EPHB1: variants seen among roughly 807,000 people sequenced by gnomAD.
EPHB1 encodes the protein EPH receptor B1, also known as ephrin type-B receptor 1.
Under a neutral mutation model 94.4 loss-of-function variants are expected in EPHB1, and 30 were observed. The observed-to-expected ratio is 0.32, with a 90% CI of 0.24 to 0.43. The LOEUF (loss-of-function observed/expected upper bound fraction) is 0.43, where lower values mean the gene tolerates loss of function less well. EPHB1 is among the 20% of genes least tolerant of loss of function. The pLI is 1.00. For synonymous variants in EPHB1, 522 were observed against 489.1 expected (o/e 1.07, Z -0.89); for missense variants, 1,055 against 1,308.3 (o/e 0.81, Z 2.99).
intron 1 of EPHB1, among the ~76,000 whole-genome samples, chr3:134,859,653 GC>G (rs1251211267): frequency 1.6e-4 from 25 of 152,180 alleles, no homozygotes; most frequent in Admixed American, 1.6e-3. Flanking sequence ...TCCTCATGGA[GC>G]CTGCCAGCTG....
intron 3 of EPHB1, among the ~76,000 whole-genome samples, chr3:135,104,357 C>T (rs1010205567): frequency 2.6e-5 from 4 of 152,204 alleles, no homozygotes; most frequent in Non-Finnish European, 4.4e-5. Context: ...AGAGTCTCCT[C>T]GGATACTTTT....
At chr3:135,212,291 G>C (rs1429194631) in intron 12 of EPHB1, among the ~76,000 whole-genome samples, 3 of 152,048 alleles carry the variant, frequency 2.0e-5, no homozygotes, top group Non-Finnish European at 2.9e-5. Context: ...TAACATCTGG[G>C]TGGTCCTGGG....
At chr3:134,800,998 T>G (rs1183132700) in intron 1 of EPHB1, among the ~76,000 whole-genome samples, 2 of 152,206 alleles carry the variant, frequency 1.3e-5, no homozygotes, top group Non-Finnish European at 2.9e-5. Flanking sequence ...TCCACCACTT[T>G]TGAAGGCTTT....
chr3:135,104,743 G>A (rs1272124024), intron 3 of EPHB1, among the ~76,000 whole-genome samples: 1 of 152,226 alleles, frequency 6.6e-6, no homozygotes, highest in Non-Finnish European at 1.5e-5. Context: ...TGGATCCCAT[G>A]GGACACATTT....
chr3:134,969,928 T>C (rs1933902769), intron 3 of EPHB1, among the ~76,000 whole-genome samples: 1 of 152,194 alleles, frequency 6.6e-6, no homozygotes, highest in Non-Finnish European at 1.5e-5. Flanking sequence ...AGGACCTCTC[T>C]AGAAAGAAAG....
intron 3 of EPHB1, among the ~76,000 whole-genome samples, chr3:135,072,552 C>T (rs1188542867): frequency 2.0e-5 from 3 of 152,256 alleles, no homozygotes; most frequent in Middle Eastern, 3.4e-3. Flanking sequence ...GAGCTGCAGC[C>T]ACAGCAGACT....
At chr3:134,864,071 C>G (rs2037321550) in intron 1 of EPHB1, among the ~76,000 whole-genome samples, 2 of 152,244 alleles carry the variant, frequency 1.3e-5, no homozygotes, top group South Asian at 4.1e-4. Context: ...ATCCTGTCCT[C>G]TGTCCTCTAA....
rs1346319815 is a variant in EPHB1, at chr3:135,004,778, C to T, written c.805+52726C>T. Among the ~76,000 whole-genome samples the T allele has an allele frequency of 1.3e-4, 20 of 151,930 alleles. 1 individual carries two copies. Among genetic ancestry groups the T allele is most frequent in the East Asian group, 7.7e-4 (4 of 5,182 alleles). On this transcript the variant is annotated intron_variant, in intron 3 of 15. Coordinates refer to ENST00000398015, the MANE Select transcript of EPHB1 (RefSeq NM_004441.5). ...GCTCCTGAGGCTTCTGCATTCTTCA[C>T]GTAGTTCTCGAGCCTTGGTTTTCAG...
chr3:135,064,639 C>CA (rs1391710856), intron 3 of EPHB1, among the ~76,000 whole-genome samples: 1 of 151,996 alleles, frequency 6.6e-6, no homozygotes, highest in African/African-American at 2.4e-5. Context: ...TTTATCTTTT[C>CA]AAAAAACTAC....
intron 3 of EPHB1, among the ~76,000 whole-genome samples, chr3:135,035,500 A>G (rs1391058676): frequency 6.6e-6 from 1 of 152,206 alleles, no homozygotes; most frequent in Non-Finnish European, 1.5e-5. Context: ...CCTTTAATTA[A>G]GGAGTCTTTT....
At chr3:134,949,934 T>C (rs1932950879) in intron 2 of EPHB1, among the ~76,000 whole-genome samples, 1 of 152,140 alleles carries the variant, frequency 6.6e-6, no homozygotes, top group East Asian at 1.9e-4. Context: ...GAACCATGCC[T>C]ATAAAGACCC....
chr3:134,820,438 T>C (rs1036059945), intron 1 of EPHB1, among the ~76,000 whole-genome samples: 7 of 152,158 alleles, frequency 4.6e-5, no homozygotes, highest in Admixed American at 2.0e-4. Context: ...CTTCCAGTGT[T>C]TACAGAATGC....
At chr3:135,163,898 CA>C (rs1941579524) in intron 7 of EPHB1, among the ~76,000 whole-genome samples, 1 of 152,090 alleles carries the variant, frequency 6.6e-6, no homozygotes, top group African/African-American at 2.4e-5. Context: ...CGAAGGTAGT[CA>C]GAAGGTTGAT....
chr3:134,985,613 C>G (rs1934569472), intron 3 of EPHB1, among the ~76,000 whole-genome samples: 1 of 152,154 alleles, frequency 6.6e-6, no homozygotes, highest in African/African-American at 2.4e-5. Flanking sequence ...CCTCAGTTTC[C>G]TCTCTCTAAA....
Position 134,942,489 on chromosome 3 carries a change from A to G in EPHB1, c.124-8882A>G, listed in dbSNP as rs527470961. Among the ~76,000 whole-genome samples the G allele has an allele frequency of 2.6e-5, 4 of 152,324 alleles. No homozygotes were observed. The East Asian group carries it at 7.7e-4, about 29-fold the overall frequency. On this transcript the variant is annotated intron_variant, in intron 2 of 15. Transcript: ENST00000398015. ...ACAAAATGGAGAGGGCAGAGTCTAG[A>G]GTGCTTCCTAGTCATCTGGTACTGG... is the stretch of plus-strand genomic sequence containing the variant.
At chr3:135,171,390 CT>C (rs1198382341) in intron 9 of EPHB1, among the ~76,000 whole-genome samples, 2 of 152,134 alleles carry the variant, frequency 1.3e-5, no homozygotes, top group Non-Finnish European at 1.5e-5. Flanking sequence ...TATTTTAGTC[CT>C]TGTCCTATTC....
intron 15 of EPHB1, among the ~76,000 whole-genome samples, chr3:135,257,681 G>GC (rs1244095075): frequency 1.3e-5 from 2 of 148,802 alleles, no homozygotes; most frequent in Admixed American, 1.3e-4. Context: ...GTTTGTCTGT[G>GC]CCCTGCCCCC....
intron 9 of EPHB1, among the ~76,000 whole-genome samples, chr3:135,178,225 G>GGGT (rs1942045163): frequency 2.1e-5 from 1 of 48,360 alleles, no homozygotes; most frequent in Admixed American, 2.4e-4. Flanking sequence ...AGGCCGGGGA[G>GGGT]GGGGGGTGGA....
chr3:134,811,256 T>TG (rs1560243670), intron 1 of EPHB1, among the ~76,000 whole-genome samples: 3 of 134,866 alleles, frequency 2.2e-5, no homozygotes, highest in African/African-American at 5.3e-5. Flanking sequence ...TTTTTTTTTT[T>TG]TTTTTTTCTG....
Sources: allele counts gnomAD v4.1 joint callset (sites outside exome capture counted in the v4.1 genomes callset), GRCh38; gene constraint gnomAD v4.1.1; transcripts MANE v1.5; gene names NCBI Gene and HGNC (gene_info 2026-07-23, HGNC 2026-07-21).